Variants in IQGAP3 observed in about 807,000 individuals in gnomAD.
IQGAP3 encodes ras GTPase-activating-like protein IQGAP3.
IQGAP3 carries 165 observed loss-of-function variants against 208.2 expected under a neutral mutation model. The ratio of observed to expected loss-of-function variants is 0.79; its 90% CI spans 0.70 to 0.90. The LOEUF (loss-of-function observed/expected upper bound fraction) is 0.90. Among genes scored for constraint, IQGAP3 ranks in the 40% least tolerant of loss-of-function variants. The pLI, the probability that IQGAP3 is intolerant of heterozygous loss-of-function variation, is 0.00. For missense variants in IQGAP3, 1,811 were observed against 2,043.1 expected (o/e 0.89, Z 2.19); for synonymous variants, 703 against 803.6 (o/e 0.87, Z 2.12).
Position 156,566,370 on chromosome 1 carries a change from GT to G in IQGAP3, c.282+19del. 6.2e-7 allele frequency: 1 copy of G among 1,612,322 alleles called. No individual in the cohort carries two copies. The highest frequency in any genetic ancestry group is 8.5e-7 in the Non-Finnish European group (1 of 1,178,670). On this transcript the variant is annotated intron_variant, in intron 3 of 37. Coordinates refer to ENST00000361170, the MANE Select transcript of IQGAP3 (RefSeq NM_178229.5). ...TAGTTTGAGGGGACGAAGGTAGAAG[GT>G]GGGGTCCAATCCTCCCACCTGGTAC...
chr1:156,535,171 C>T lies in IQGAP3; in HGVS notation c.3499G>A (p.Val1167Ile), dbSNP rs1208074033. 6.2e-7 allele frequency: 1 copy of T among 1,613,042 alleles called. No homozygotes were observed. Among genetic ancestry groups the T allele is most frequent in the Non-Finnish European group, 8.5e-7 (1 of 1,179,222 alleles). The change falls in exon 28 of 38, where the codon GTC (valine) becomes ATC (isoleucine). Residue 1167 changes from valine to isoleucine, a missense_variant. By Grantham distance (29) the Val-to-Ile change is conservative. Coordinates refer to ENST00000361170, the MANE Select transcript of IQGAP3 (RefSeq NM_178229.5). ...EKFPDATDSE[V>I]YKVVGNLLYY... Reference sequence around the variant, plus strand: ...GGGGAGACAACACTTGCCTTATAGACCTCGCTGTCTGTGGCGTCAGGGAAT... The same window carrying T: ...GGGGAGACAACACTTGCCTTATAGATCTCGCTGTCTGTGGCGTCAGGGAAT...
chr1:156,532,721 G>A (rs575638218), intron 32 of IQGAP3, among the ~76,000 whole-genome samples: 46 of 152,214 alleles, frequency 3.0e-4, no homozygotes, highest in African/African-American at 1.1e-3. Context: ...TAAACAGCAC[G>A]ATATGCAAAC....
At chr1:156,541,026 A>T in intron 22 of IQGAP3, 110 bp from the exon 23 acceptor site, 2 of 836,142 alleles carry the variant, frequency 2.4e-6, no homozygotes, top group East Asian at 2.6e-5. Context: ...TGGGATCAGC[A>T]GGTCCCCAAC....
intron 27 of IQGAP3, 22 bp from the exon 28 acceptor site, chr1:156,535,269 C>T (rs942965): frequency 0.23 from 351,142 of 1,549,658 alleles, 46,533 homozygotes; most frequent in East Asian, 0.57. Context: ...GAAACAGGTG[C>T]GCGTGGCTGT....
intron 2 of IQGAP3, 41 bp from the exon 3 acceptor site, chr1:156,566,587 C>T (rs751653831): frequency 3.7e-6 from 6 of 1,600,302 alleles, no homozygotes; most frequent in Non-Finnish European, 5.1e-6. Flanking sequence ...TCTGGCAGAC[C>T]ACAGTGATTT....
chr1:156,551,731 CAAG>C lies in IQGAP3; in HGVS notation c.1705_1707del (p.Leu569del), dbSNP rs751028847. 6.2e-7 allele frequency: 1 copy of C among 1,612,662 alleles called. No homozygotes were observed. The highest frequency in any genetic ancestry group is 8.5e-7 in the Non-Finnish European group (1 of 1,179,596). Reference sequence around the variant, plus strand: ...TGGGCCTTCTGCCTTTTGGCTGCCACAAGGAGGAGATGGTACCGAGGGGCGACA... The same window carrying C: ...TGGGCCTTCTGCCTTTTGGCTGCCACGAGGAGATGGTACCGAGGGGCGACA... On this transcript the variant is annotated inframe_deletion, in exon 15 of 38. Transcript: ENST00000361170.
chr1:156,535,875 C>T (rs1674663753), intron 27 of IQGAP3, among the ~76,000 whole-genome samples: 2 of 152,164 alleles, frequency 1.3e-5, no homozygotes, highest in African/African-American at 4.8e-5. Flanking sequence ...ATCATTCTTG[C>T]CTTCTCTTCT....
At chr1:156,543,127 T>C (rs960080047) in intron 22 of IQGAP3, among the ~76,000 whole-genome samples, 1 of 151,664 alleles carries the variant, frequency 6.6e-6, no homozygotes, top group Non-Finnish European at 1.5e-5. Flanking sequence ...AAAAAGAAGA[T>C]AAAGAATGGC....
Position 156,548,225 on chromosome 1 carries a change from T to A in IQGAP3, c.2152A>T (p.Thr718Ser). The change falls in exon 19 of 38, where the codon ACT (threonine) becomes TCT (serine). Residue 718 changes from threonine (T) to serine (S), a missense_variant. Thr to Ser is a moderately conservative substitution (Grantham distance 58). Coordinates refer to ENST00000361170, the MANE Select transcript of IQGAP3 (RefSeq NM_178229.5). ...AGCTGTTGGCGGTCATAGGCAGCAGTGACCTTGGTGACAGCTGACTGTGGA... is the reference window on the plus strand; with the variant it reads ...AGCTGTTGGCGGTCATAGGCAGCAGAGACCTTGGTGACAGCTGACTGTGGA... Reference protein sequence around the residue: ...EEIQSAVTKVTAAYDRQQLWK... With the variant: ...EEIQSAVTKVSAAYDRQQLWK... 9 of 1,613,748 alleles carry A rather than the reference T, an allele frequency of 5.6e-6. No homozygotes were observed. Among genetic ancestry groups the A allele is most frequent in the Non-Finnish European group, 7.6e-6 (9 of 1,179,716 alleles).
intron 9 of IQGAP3, 22 bp from the exon 10 acceptor site, chr1:156,562,023 A>G: frequency 6.3e-7 from 1 of 1,584,400 alleles, no homozygotes; most frequent in Non-Finnish European, 8.6e-7. Flanking sequence ...TGACTCCATA[A>G]TGGACAGTGT....
At chr1:156,527,398 A>C (rs1674143876) in intron 37 of IQGAP3, among the ~76,000 whole-genome samples, 1 of 151,986 alleles carries the variant, frequency 6.6e-6, no homozygotes, top group South Asian at 2.1e-4. Context: ...GAATCGCTTG[A>C]ACCCAGGAGG....
chr1:156,528,718 C>T (rs1048723496), intron 35 of IQGAP3, 108 bp from the exon 36 acceptor site: 10 of 1,078,648 alleles, frequency 9.3e-6, no homozygotes, highest in Middle Eastern at 2.0e-4. Flanking sequence ...AGACTTCTCA[C>T]TGATGGAAGA....
rs550510055 is a variant in IQGAP3 at position 156,544,537 on chromosome 1, G to A, written c.2305-65C>T. On this transcript the variant is annotated intron_variant, in intron 19 of 37. Coordinates refer to ENST00000361170, the MANE Select transcript of IQGAP3 (RefSeq NM_178229.5). ...CTCCTTTGGCCAGAAAGGCTTTTAA[G>A]AAAATCTTTGTCCTGGGCCCTCCAG... The A allele has an allele frequency of 3.8e-4, 518 of 1,379,294 alleles. 1 individual carries two copies. Among genetic ancestry groups the A allele is most frequent in the Middle Eastern group, 1.8e-3 (10 of 5,618 alleles). 85.4% of individuals were successfully genotyped at this position (1,379,294 alleles called of 1,614,324 possible). A position where few individuals can be genotyped will look rare whatever the true frequency, so the allele number is the denominator to read the frequency against.
At chr1:156,557,262 C>T (rs1411550377) in intron 11 of IQGAP3, among the ~76,000 whole-genome samples, 1 of 5,516 alleles carries the variant, frequency 1.8e-4, no homozygotes, top group African/African-American at 1.9e-4. Flanking sequence ...CCCCTCTGCC[C>T]GGCCAGCCGC....
intron 29 of IQGAP3, 36 bp from the exon 30 acceptor site, chr1:156,534,177 G>T: frequency 6.2e-7 from 1 of 1,609,618 alleles, no homozygotes; most frequent in South Asian, 1.1e-5. Flanking sequence ...GAGCGGGGAG[G>T]GCCAGCACCC....
In IQGAP3 at chr1:156,569,273, G is replaced by GGGC. The variant is rs1453548131; in HGVS notation, c.125+102_125+103insGCC. 1.4e-5 allele frequency: 10 copies of GGGC among 718,236 alleles called. No individual in the cohort carries two copies. The Admixed American group carries it at 2.5e-4, about 18-fold the overall frequency. 44.5% of individuals were successfully genotyped at this position (718,236 alleles called of 1,614,324 possible). On this transcript the variant is annotated intron_variant, in intron 2 of 37. Coordinates refer to ENST00000361170, the MANE Select transcript of IQGAP3 (RefSeq NM_178229.5). ...CTATTTCAACTCGCCCTTTCCCACAGGATGGACTCTCGATCTGTTGCATTT... is the reference window on the plus strand; with the variant it reads ...CTATTTCAACTCGCCCTTTCCCACAGGGCGATGGACTCTCGATCTGTTGCATTT...
In IQGAP3 at chr1:156,563,831, A is replaced by G. The variant is rs776156842; in HGVS notation, c.438-7T>C. 3.9e-4 allele frequency: 632 copies of G among 1,613,352 alleles called. No homozygotes were observed. Among genetic ancestry groups the G allele is most frequent in the Non-Finnish European group, 5.0e-4 (592 of 1,179,612 alleles). ...CAGCCGGAAGAGGAAGAGACTAGGA[A>G]AAAACGGAAGGCATTGGAAGGCACT... On this transcript the variant is annotated splice_region_variant and splice_polypyrimidine_tract_variant and intron_variant, in intron 5 of 37. Transcript: ENST00000361170.
chr1:156,539,141 CTCTTAAGGAATGTCTTGATA>C (rs1674856396), intron 25 of IQGAP3, 108 bp from the exon 26 acceptor site: 2 of 983,766 alleles, frequency 2.0e-6, no homozygotes, highest in Non-Finnish European at 3.1e-6. Flanking sequence ...GGTGTCCCCG[CTCTTAAGGAATGTCTTGATA>C]TCTCTCTCAT....
At chr1:156,547,253 A>C (rs1165254221) in intron 19 of IQGAP3, among the ~76,000 whole-genome samples, 1 of 152,160 alleles carries the variant, frequency 6.6e-6, no homozygotes, top group Non-Finnish European at 1.5e-5. Flanking sequence ...TAGGAGAGGA[A>C]AGGTAGAAGG....
Sources: allele counts gnomAD v4.1 joint callset (sites outside exome capture counted in the v4.1 genomes callset), GRCh38; gene constraint gnomAD v4.1.1; transcripts MANE v1.5; gene names NCBI Gene and HGNC (gene_info 2026-07-23, HGNC 2026-07-21).